The following GRHL2 variants were observed in gnomAD, a reference collection of about 807,000 sequenced individuals.
The protein encoded by GRHL2 is grainyhead like transcription factor 2.
Under a neutral mutation model 83.8 loss-of-function variants are expected in GRHL2, and 21 were observed. That is an observed-to-expected ratio of 0.25 (90% CI 0.18 to 0.36). The LOEUF is 0.36. GRHL2 is among the 10% of genes least tolerant of loss of function. The probability of loss-of-function intolerance (pLI) is 1.00; values close to 1 mark genes in which losing one functional copy is unlikely to be tolerated. For synonymous variants in GRHL2, 280 were observed against 278.9 expected, an observed-to-expected ratio of 1.00 and a Z score of -0.04; for missense variants, 623 against 781.8, an observed-to-expected ratio of 0.80 and a Z score of 2.42.
At chr8:101,670,461 G>T (rs900086992), downstream of GRHL2, among the ~76,000 whole-genome samples, 3 of 152,236 alleles carry the variant, frequency 2.0e-5, no homozygotes, top group Non-Finnish European at 4.4e-5. Context: ...AGCATCTCCA[G>T]CAGCCTCTGT....
chr8:101,505,577 CAAAAA>C (rs11395323), intron 1 of GRHL2, among the ~76,000 whole-genome samples: 1 of 101,088 alleles, frequency 9.9e-6, no homozygotes, highest in Admixed American at 1.2e-4. Flanking sequence ...AACTCTGTCT[CAAAAA>C]AAAAAAAAAA....
At chr8:101,656,350 C>T (rs1813785682) in intron 14 of GRHL2, among the ~76,000 whole-genome samples, 1 of 152,102 alleles carries the variant, frequency 6.6e-6, no homozygotes, top group Non-Finnish European at 1.5e-5. Flanking sequence ...TATAATATCC[C>T]CATGAACATG....
intron 8 of GRHL2, among the ~76,000 whole-genome samples, chr8:101,602,518 G>A (rs1286722139): frequency 6.6e-6 from 1 of 152,182 alleles, no homozygotes; most frequent in African/African-American, 2.4e-5. Flanking sequence ...ATGCATATAT[G>A]TATGTGTGTA....
At chr8:101,587,228 C>T (rs1349603147) in intron 7 of GRHL2, among the ~76,000 whole-genome samples, 2 of 152,184 alleles carry the variant, frequency 1.3e-5, no homozygotes, top group Non-Finnish European at 2.9e-5. Context: ...TAAGCCTTTT[C>T]TGATATTTCT....
intron 2 of GRHL2, among the ~76,000 whole-genome samples, chr8:101,546,668 G>A (rs970686690): frequency 2.0e-5 from 3 of 152,042 alleles, no homozygotes; most frequent in Non-Finnish European, 4.4e-5. Context: ...CACCGGCCTT[G>A]ACCTTCCAAA....
intron 14 of GRHL2, among the ~76,000 whole-genome samples, chr8:101,652,615 T>TGTTTGTGTGTGTGTG (rs1813696589): frequency 8.3e-6 from 1 of 120,088 alleles, no homozygotes; most frequent in African/African-American, 3.7e-5. Flanking sequence ...GTGTGTGTGG[T>TGTTTGTGTGTGTGTG]GTGTGTGTGT....
intron 2 of GRHL2, among the ~76,000 whole-genome samples, chr8:101,545,873 T>A (rs1213140078): frequency 1.8e-5 from 2 of 113,024 alleles, no homozygotes; most frequent in South Asian, 3.2e-4. Flanking sequence ...TTGTAACATT[T>A]TTTTTTTTTT....
Position 101,582,736 on chromosome 8 carries a change from A to G in GRHL2, c.1003+5217A>G, listed in dbSNP as rs1453864715. Among the ~76,000 whole-genome samples the G allele has an allele frequency of 3.3e-5, 5 of 152,310 alleles. No individual in the cohort carries two copies. In the East Asian group the frequency reaches 7.7e-4, roughly 23 times the overall value. On this transcript the variant is annotated intron_variant, in intron 7 of 15. Coordinates refer to ENST00000646743, the MANE Select transcript of GRHL2 (RefSeq NM_024915.4). ...ACCCACCTCAGCGTCTTTGCAGAGG[A>G]ACGTCACTAAGCCAGAAGTGGAGCT... is the stretch of plus-strand genomic sequence containing the variant.
intron 1 of GRHL2, chr8:101,529,358 G>A (rs901691665): frequency 2.9e-4 from 49 of 170,838 alleles, no homozygotes; most frequent in African/African-American, 1.1e-3. Context: ...GCTTGAACCC[G>A]GGAGGCGGAG....
In GRHL2 at chr8:101,597,868, G is replaced by A. The variant is rs192359512; in HGVS notation, c.1004-1189G>A. Among the ~76,000 whole-genome samples, 89 of 151,682 alleles carry A rather than the reference G, an allele frequency of 5.9e-4. 1 individual carries two copies. In the Middle Eastern group the frequency reaches 0.017, roughly 29 times the overall value. On this transcript the variant is annotated intron_variant, in intron 7 of 15. Coordinates refer to ENST00000646743, the MANE Select transcript of GRHL2 (RefSeq NM_024915.4). ...AGAAAAAAAGAAATAGGCATGCAACGAGCAGTGAGGTTAGATCCGAAAAGG... is the reference window on the plus strand; with the variant it reads ...AGAAAAAAAGAAATAGGCATGCAACAAGCAGTGAGGTTAGATCCGAAAAGG...
At position 101,552,583 on chromosome 8, in the gene GRHL2, GTGAT is replaced by G. The variant is rs1811406698; in HGVS notation, c.217-131_217-128del. The G allele has an allele frequency of 3.8e-6, 3 of 789,316 alleles. No homozygotes were observed. The East Asian group carries it at 7.8e-5, about 21-fold the overall frequency. 48.9% of individuals were successfully genotyped at this position (789,316 alleles called of 1,614,324 possible). A position where few individuals can be genotyped will look rare whatever the true frequency, so the allele number is the denominator to read the frequency against. On this transcript the variant is annotated intron_variant, in intron 2 of 15. Coordinates refer to ENST00000646743, the MANE Select transcript of GRHL2 (RefSeq NM_024915.4). ...GGCTACTAGCCTTTATCATCTCCTG[GTGAT>G]AGCAACTTTTCCACCATTTCCTGGA...
intron 1 of GRHL2, among the ~76,000 whole-genome samples, chr8:101,532,145 G>A (rs977645439): frequency 3.3e-5 from 5 of 152,212 alleles, no homozygotes; most frequent in Admixed American, 6.5e-5. Flanking sequence ...GAGGGATATT[G>A]CTGAAAGCAA....
At chr8:101,516,790 C>T (rs975776974) in intron 1 of GRHL2, among the ~76,000 whole-genome samples, 1 of 152,208 alleles carries the variant, frequency 6.6e-6, no homozygotes, top group Admixed American at 6.5e-5. Context: ...TATCTATTCA[C>T]TTCCAACCAT....
At chr8:101,554,126 G>T (rs1811443687) in intron 3 of GRHL2, among the ~76,000 whole-genome samples, 1 of 152,148 alleles carries the variant, frequency 6.6e-6, no homozygotes, top group African/African-American at 2.4e-5. Context: ...AGCAGCAGGG[G>T]CCTCTCCACC....
intron 2 of GRHL2, among the ~76,000 whole-genome samples, chr8:101,548,395 G>A (rs923428322): frequency 7.9e-5 from 12 of 152,294 alleles, no homozygotes; most frequent in African/African-American, 2.9e-4. Context: ...GCAGTGGGTT[G>A]ACTGACAACC....
intron 12 of GRHL2, among the ~76,000 whole-genome samples, chr8:101,637,297 G>A (rs7017592): frequency 0.26 from 39,931 of 152,042 alleles, 5,403 homozygotes; most frequent in South Asian, 0.34. Context: ...AGATCAAGAT[G>A]AGCTTGAGGC....
At chr8:101,539,832 G>T (rs1811115759) in intron 1 of GRHL2, among the ~76,000 whole-genome samples, 1 of 152,080 alleles carries the variant, frequency 6.6e-6, no homozygotes, top group Non-Finnish European at 1.5e-5. Context: ...CCCCTTATTT[G>T]TCCTGTCATT....
At chr8:101,619,825 G>A (rs1179830907) in intron 9 of GRHL2, 128 bp downstream of exon 9, 15 of 694,480 alleles carry the variant, frequency 2.2e-5, no homozygotes, top group African/African-American at 7.2e-5. Context: ...ATCACAGTGG[G>A]AGTGGTAATC....
chr8:101,522,209 GTTCT>G (rs1810699762), intron 1 of GRHL2, among the ~76,000 whole-genome samples: 1 of 151,976 alleles, frequency 6.6e-6, no homozygotes, highest in African/African-American at 2.4e-5. Flanking sequence ...TATGCAGTTG[GTTCT>G]TCATATCCAA....
Sources: gnomAD v4.1 joint callset for allele counts (sites outside exome capture counted in the v4.1 genomes callset) on GRCh38, gnomAD v4.1.1 for gene constraint, MANE v1.5 for transcripts, NCBI Gene and HGNC (gene_info 2026-07-23, HGNC 2026-07-21) for gene names.